Variants in RNF212 observed in about 807,000 individuals in gnomAD.
RNF212 encodes the protein probable E3 SUMO-protein ligase RNF212.
A neutral mutation model predicts 34.7 loss-of-function variants in RNF212; 33 were observed. The ratio of observed to expected loss-of-function variants is 0.95; its 90% CI spans 0.72 to 1.27. The LOEUF (loss-of-function observed/expected upper bound fraction) is 1.27, where lower values mean the gene tolerates loss of function less well. Ranked by LOEUF, RNF212 falls within the 50% of genes most tolerant of loss-of-function variation. The pLI, the probability that RNF212 is intolerant of heterozygous loss-of-function variation, is 0.00. For missense variants in RNF212, 377 were observed against 362.2 expected (o/e 1.04, Z -0.33); for synonymous variants, 140 against 136.1 (o/e 1.03, Z -0.20).
intron 8 of RNF212, among the ~76,000 whole-genome samples, chr4:1,074,709 C>G (rs1718994949): frequency 6.6e-6 from 1 of 152,158 alleles, no homozygotes; most frequent in Non-Finnish European, 1.5e-5. Flanking sequence ...GTCCACTAAG[C>G]ACATTCCCCA....
chr4:1,062,617 C>G (rs1717822448), intron 3 of RNF212, among the ~76,000 whole-genome samples: 1 of 152,136 alleles, frequency 6.6e-6, no homozygotes, highest in Non-Finnish European at 1.5e-5. Context: ...GTTCTTGCCG[C>G]TTGTATTCAA....
intron 2 of RNF212, among the ~76,000 whole-genome samples, chr4:1,106,249 TACACACACACACACACACACACAC>T (rs35166968): frequency 1.9e-4 from 28 of 146,058 alleles, no homozygotes; most frequent in African/African-American, 6.8e-4. Context: ...CAATTTTACT[TACACACACACACACACACACACAC>T]ACACACACAC....
At chr4:1,098,664 C>T (rs929894035) in intron 2 of RNF212, among the ~76,000 whole-genome samples, 2 of 152,222 alleles carry the variant, frequency 1.3e-5, no homozygotes, top group African/African-American at 2.4e-5. Flanking sequence ...CAGCTCTGCA[C>T]ACCCTTGACC....
intron 3 of RNF212, among the ~76,000 whole-genome samples, chr4:1,064,633 T>G (rs1287222903): frequency 6.6e-6 from 1 of 152,174 alleles, no homozygotes; most frequent in Non-Finnish European, 1.5e-5. Flanking sequence ...GTCTCTTTTG[T>G]TTTTTGAAAA....
chr4:1,089,886 G>A (rs566356060), intron 4 of RNF212, among the ~76,000 whole-genome samples: 6 of 152,306 alleles, frequency 3.9e-5, no homozygotes, highest in East Asian at 1.9e-4. Flanking sequence ...CCAGTCATGC[G>A]GAACTGTGAG....
At chr4:1,069,983 T>A (rs949623008), downstream of RNF212, among the ~76,000 whole-genome samples, 1 of 151,874 alleles carries the variant, frequency 6.6e-6, no homozygotes, top group Non-Finnish European at 1.5e-5. Context: ...TTACGGGTGG[T>A]TTTGTAGGAT....
chr4:1,078,635 G>C (rs928476235), intron 8 of RNF212, among the ~76,000 whole-genome samples: 1 of 152,238 alleles, frequency 6.6e-6, no homozygotes, highest in Non-Finnish European at 1.5e-5. Context: ...GACAGCAAGT[G>C]AAGGCAGTTA....
chr4:1,107,019 A>G (rs1386259187), intron 2 of RNF212, among the ~76,000 whole-genome samples: 1 of 152,084 alleles, frequency 6.6e-6, no homozygotes. Context: ...TTTAAGAGTG[A>G]GTGTGCCCAA....
chr4:1,113,409 C>T lies in RNF212; in HGVS notation c.56G>A (p.Cys19Tyr), dbSNP rs976256531. The T allele has an allele frequency of 1.9e-6, 3 of 1,606,044 alleles. No homozygotes were observed. Among genetic ancestry groups the T allele is most frequent in the Non-Finnish European group, 2.5e-6 (3 of 1,177,410 alleles). Residue 19 changes from cysteine to tyrosine, a missense_variant, in exon 1 of 10, where the codon TGC (cysteine) becomes TAC (tyrosine). Cys to Tyr is a radical substitution (Grantham distance 194). Coordinates refer to ENST00000433731, the MANE Select transcript of RNF212 (RefSeq NM_001131034.4). Reference sequence around the variant, plus strand: ...GTGCCCGCAGTTGGTGAGGCTGAAGCACGACGTCCTGTGGGGCGGCTGGAA... The same window carrying T: ...GTGCCCGCAGTTGGTGAGGCTGAAGTACGACGTCCTGTGGGGCGGCTGGAA... Reference protein sequence around the residue: ...RCFQPPHRTSCFSLTNCGHVY... With the variant: ...RCFQPPHRTSYFSLTNCGHVY...
intron 3 of RNF212, among the ~76,000 whole-genome samples, chr4:1,059,373 C>T (rs1208919804): frequency 2.6e-5 from 4 of 152,218 alleles, no homozygotes; most frequent in Non-Finnish European, 5.9e-5. Context: ...TGAGTGCTGC[C>T]TTCACTTCTG....
At chr4:1,066,074 A>T (rs1718075673) in intron 3 of RNF212, among the ~76,000 whole-genome samples, 1 of 93,280 alleles carries the variant, frequency 1.1e-5, no homozygotes, top group African/African-American at 4.6e-5. Context: ...CATCCTAATG[A>T]GATACTATCT....
intron 4 of RNF212, chr4:1,058,275 C>A (rs1270738014): frequency 5.9e-6 from 4 of 672,560 alleles, no homozygotes; most frequent in East Asian, 1.3e-4. Context: ...AAGGTGCTTG[C>A]GGGGGTTAGA....
intron 8 of RNF212, among the ~76,000 whole-genome samples, chr4:1,076,864 T>C (rs1719389446): frequency 6.6e-6 from 1 of 152,354 alleles, no homozygotes; most frequent in South Asian, 2.1e-4. Context: ...CTTTCTATGG[T>C]TGCTTTTGCA....
intron 2 of RNF212, among the ~76,000 whole-genome samples, chr4:1,104,107 T>C (rs773125545): frequency 1.3e-5 from 2 of 152,242 alleles, no homozygotes; most frequent in Non-Finnish European, 2.9e-5. Flanking sequence ...AAAACTACAA[T>C]AGTAGCAGTC....
At chr4:1,104,383 C>A (rs1254330702) in intron 2 of RNF212, among the ~76,000 whole-genome samples, 3 of 152,238 alleles carry the variant, frequency 2.0e-5, no homozygotes. Flanking sequence ...GCCTTCCATA[C>A]AGGCCCTGGG....
At chr4:1,079,213 TCAACACAGGACCAACATGGGAC>T (rs1163648568) in intron 8 of RNF212, among the ~76,000 whole-genome samples, 2 of 137,752 alleles carry the variant, frequency 1.5e-5, no homozygotes, top group African/African-American at 2.8e-5. Flanking sequence ...CAACATAGAG[TCAACACAGGACCAACATGGGAC>T]CAACACAGGG....
Position 1,113,383 on chromosome 4 carries a change from C to T in RNF212, c.82G>A (p.Val28Met), listed in dbSNP as rs766335413. 3 of 1,598,646 alleles carry T rather than the reference C, an allele frequency of 1.9e-6. No individual in the cohort carries two copies. Among genetic ancestry groups the T allele is most frequent in the Admixed American group, 3.4e-5 (2 of 58,672 alleles). ...SCFSLTNCGH[V>M]YCDACLGKGK... The stretch of plus-strand genomic sequence containing the variant: ...TTGCCGAGGCAGGCGTCGCAGTACA[C>T]GTGCCCGCAGTTGGTGAGGCTGAAG... The change falls in exon 1 of 10, where the codon GTG becomes ATG. Residue 28 changes from valine to methionine, a missense_variant. Physicochemically the swap from Val to Met is conservative, Grantham distance 21. Transcript: ENST00000433731.
rs375249286 is a variant in RNF212 at position 1,113,384 on chromosome 4, G to T, written c.81C>A (p.His27Gln). Residue 27 changes from histidine to glutamine, a missense_variant, in exon 1 of 10, where the codon CAC (histidine) becomes CAA (glutamine). Transcript: ENST00000433731. ...TGCCGAGGCAGGCGTCGCAGTACAC[G>T]TGCCCGCAGTTGGTGAGGCTGAAGC... Reference protein sequence around the residue: ...TSCFSLTNCGHVYCDACLGKG... With the variant: ...TSCFSLTNCGQVYCDACLGKG... 3 of 1,580,280 alleles carry T rather than the reference G, an allele frequency of 1.9e-6. No individual in the cohort carries two copies. Among genetic ancestry groups the T allele is most frequent in the Non-Finnish European group, 1.7e-6 (2 of 1,163,506 alleles).
At chr4:1,058,843 A>T (rs957630917) in intron 3 of RNF212, among the ~76,000 whole-genome samples, 1 of 152,076 alleles carries the variant, frequency 6.6e-6, no homozygotes, top group African/African-American at 2.4e-5. Flanking sequence ...TGTGCCTGGC[A>T]TACACAGGTA....
Sources: allele counts gnomAD v4.1 joint callset (sites outside exome capture counted in the v4.1 genomes callset), GRCh38; gene constraint gnomAD v4.1.1; transcripts MANE v1.5; gene names NCBI Gene and HGNC (gene_info 2026-07-23, HGNC 2026-07-21).